Variants in LINGO2 observed in about 807,000 individuals in gnomAD.
LINGO2 encodes leucine rich repeat and Ig domain containing 2.
LINGO2 carries 14 observed loss-of-function variants against 30.6 expected under a neutral mutation model. That is an observed-to-expected ratio of 0.46 (90% CI 0.30 to 0.72). LINGO2 has a LOEUF of 0.72. Among genes scored for constraint, LINGO2 ranks in the 30% least tolerant of loss-of-function variants. The pLI is 0.07. For synonymous variants in LINGO2, 317 were observed against 288.5 expected (o/e 1.10, Z -1.00); for missense variants, 729 against 751.7 (o/e 0.97, Z 0.35).
intron 1 of LINGO2, among the ~76,000 whole-genome samples, chr9:28,633,038 G>T (rs111285486): frequency 1.3e-5 from 2 of 151,404 alleles, no homozygotes; most frequent in African/African-American, 2.4e-5. Flanking sequence ...GTGGAGTCCA[G>T]TGTTCAAGGG....
the LINGO2 span, among the ~76,000 whole-genome samples, chr9:28,917,851 T>C: frequency 1.4e-4 from 22 of 152,124 alleles, no homozygotes; most frequent in South Asian, 4.6e-3. Flanking sequence ...TGTATTCTTC[T>C]AGGTTGAAAT....
intron 4 of LINGO2, among the ~76,000 whole-genome samples, chr9:28,247,795 A>T (rs1259358992): frequency 1.3e-5 from 2 of 152,248 alleles, no homozygotes; most frequent in Non-Finnish European, 2.9e-5. Context: ...AAAATGGGCA[A>T]AAGATTTGAA....
chr9:28,652,710 GA>G (rs1828159240), intron 1 of LINGO2, among the ~76,000 whole-genome samples: 4 of 146,260 alleles, frequency 2.7e-5, no homozygotes, highest in East Asian at 2.0e-4. Flanking sequence ...TGAAATCCCA[GA>G]AAAAAAAAGG....
intron 1 of LINGO2, among the ~76,000 whole-genome samples, chr9:28,638,989 A>G (rs1337307030): frequency 5.3e-5 from 8 of 151,740 alleles, no homozygotes; most frequent in Non-Finnish European, 1.2e-4. Context: ...ACACTGCTTT[A>G]AATGTGTCCC....
At chr9:28,790,420 C>T in the LINGO2 span, among the ~76,000 whole-genome samples, 1 of 149,498 alleles carries the variant, frequency 6.7e-6, no homozygotes, top group Non-Finnish European at 1.5e-5. Flanking sequence ...GCTCCGCCTC[C>T]CGGGTTCACG....
chr9:28,288,622 T>C (rs185246048), intron 4 of LINGO2, among the ~76,000 whole-genome samples: 1 of 152,306 alleles, frequency 6.6e-6, no homozygotes, highest in African/African-American at 2.4e-5. Flanking sequence ...AATTTGTTTC[T>C]GGCTACATGC....
intron 4 of LINGO2, among the ~76,000 whole-genome samples, chr9:28,279,393 C>T (rs1192889978): frequency 6.6e-6 from 1 of 152,106 alleles, no homozygotes; most frequent in Non-Finnish European, 1.5e-5. Context: ...AAAGAAGTAT[C>T]AATTGATGTG....
At chr9:28,955,204 T>C in the LINGO2 span, among the ~76,000 whole-genome samples, 2 of 151,552 alleles carry the variant, frequency 1.3e-5, no homozygotes, top group African/African-American at 2.4e-5. Context: ...GAGAGAGAGA[T>C]AATGTTTTGA....
the LINGO2 span, among the ~76,000 whole-genome samples, chr9:29,165,342 T>TA: frequency 6.6e-6 from 1 of 152,092 alleles, no homozygotes. Context: ...GCACTGGAGA[T>TA]ACGGCAGTGA....
the LINGO2 span, among the ~76,000 whole-genome samples, chr9:28,941,207 G>T: frequency 2.0e-5 from 3 of 152,248 alleles, no homozygotes; most frequent in South Asian, 4.1e-4. Flanking sequence ...AAAACTTAGA[G>T]ACTCTGACCA....
At chr9:28,082,574 A>C (rs1825802665) in intron 4 of LINGO2, among the ~76,000 whole-genome samples, 1 of 152,182 alleles carries the variant, frequency 6.6e-6, no homozygotes, top group African/African-American at 2.4e-5. Context: ...GCAGTAAACA[A>C]ATGGACAAAT....
In LINGO2 at chr9:28,558,134, C is replaced by A. The variant is rs186342009; in HGVS notation, c.-364-82109G>T. On this transcript the variant is annotated intron_variant, in intron 1 of 5. Transcript: ENST00000379992. ...CACAATGTGCACATGTACCCTAAAACTTAAAGTATAATAAAAATAAAAATA... is the reference window on the plus strand; with the variant it reads ...CACAATGTGCACATGTACCCTAAAAATTAAAGTATAATAAAAATAAAAATA... Among the ~76,000 whole-genome samples the A allele has an allele frequency of 1.5e-4, 23 of 149,568 alleles. 1 individual carries two copies. In the East Asian group the frequency reaches 4.4e-3, roughly 28 times the overall value.
chr9:29,108,583 A>G, the LINGO2 span, among the ~76,000 whole-genome samples: 5 of 152,226 alleles, frequency 3.3e-5, no homozygotes, highest in Non-Finnish European at 7.4e-5. Flanking sequence ...ATTAGTAGCT[A>G]GGCTAATTAT....
intron 5 of LINGO2, among the ~76,000 whole-genome samples, chr9:28,006,215 C>T (rs887219093): frequency 3.9e-5 from 6 of 151,994 alleles, no homozygotes; most frequent in African/African-American, 1.5e-4. Flanking sequence ...TCAGTCAAAA[C>T]AAGAAACTCT....
chr9:28,092,611 G>C (rs568512919), intron 4 of LINGO2, among the ~76,000 whole-genome samples: 1 of 151,618 alleles, frequency 6.6e-6, no homozygotes, highest in Non-Finnish European at 1.5e-5. Context: ...ATGAGTTAAT[G>C]GGTGCAGCAC....
chr9:28,335,071 C>T (rs1825547136), intron 3 of LINGO2, among the ~76,000 whole-genome samples: 1 of 152,130 alleles, frequency 6.6e-6, no homozygotes, highest in African/African-American at 2.4e-5. Flanking sequence ...ATATTCACTA[C>T]AATTATAATT....
At chr9:29,137,827 T>C in the LINGO2 span, among the ~76,000 whole-genome samples, 1 of 152,216 alleles carries the variant, frequency 6.6e-6, no homozygotes, top group East Asian at 1.9e-4. Flanking sequence ...CTCAACATAT[T>C]AGTTATATGA....
chr9:27,989,656 A>G (rs1821298802), intron 5 of LINGO2, among the ~76,000 whole-genome samples: 1 of 151,946 alleles, frequency 6.6e-6, no homozygotes, highest in South Asian at 2.1e-4. Context: ...GGAACCAAAG[A>G]CCTATGTCCA....
At chr9:29,126,354 C>T in the LINGO2 span, among the ~76,000 whole-genome samples, 1 of 152,054 alleles carries the variant, frequency 6.6e-6, no homozygotes, top group African/African-American at 2.4e-5. Flanking sequence ...CCCATCACTA[C>T]AATAGGGTTC....
Sources: allele counts gnomAD v4.1 joint callset (sites outside exome capture counted in the v4.1 genomes callset), GRCh38; gene constraint gnomAD v4.1.1; transcripts MANE v1.5; gene names NCBI Gene and HGNC (gene_info 2026-07-23, HGNC 2026-07-21).